The following ASPSCR1 variants were observed in gnomAD, a reference collection of about 807,000 sequenced individuals.
ASPSCR1 encodes ASPSCR1 tether for SLC2A4, UBX domain containing, also known as tether containing UBX domain for GLUT4.
ASPSCR1 carries 55 observed loss-of-function variants against 68.9 expected under a neutral mutation model. That is an observed-to-expected ratio of 0.80 (90% CI 0.64 to 1.00). The LOEUF is 1.00. ASPSCR1 is among the 50% of genes least tolerant of loss of function. The probability of loss-of-function intolerance (pLI) is 0.00; values close to 1 mark genes in which losing one functional copy is unlikely to be tolerated. For missense variants in ASPSCR1, 765 were observed against 762.2 expected (o/e 1.00, Z -0.04); for synonymous variants, 352 against 332.6 (o/e 1.06, Z -0.63).
At chr17:82,016,690 C>G in intron 13 of ASPSCR1, 110 bp from the exon 14 acceptor site, 1 of 1,452,528 alleles carries the variant, frequency 6.9e-7, no homozygotes, top group East Asian at 2.5e-5. Flanking sequence ...CTGGGACAGC[C>G]ACCTGCTGGC....
chr17:81,997,980 C>T (rs996398151), intron 7 of ASPSCR1, among the ~76,000 whole-genome samples: 1 of 151,992 alleles, frequency 6.6e-6, no homozygotes, highest in African/African-American at 2.4e-5. Flanking sequence ...GCGTGTGCCA[C>T]CACGCCCAGC....
rs1054065438 is a variant in ASPSCR1 at position 81,986,378 on chromosome 17, G to A, written c.374+771G>A. On this transcript the variant is annotated intron_variant, in intron 4 of 15. Coordinates refer to ENST00000306739, the MANE Select transcript of ASPSCR1 (RefSeq NM_024083.4). The surrounding 1 kb of genome is among the most constrained non-coding windows in gnomAD (Gnocchi z 5.2). ...GCCGTGGAGGCAGTTGCAGTGAGCC[G>A]AGATCGCACTGCTGCACTCCAGCCT... 8.5e-5 allele frequency among the ~76,000 whole-genome samples: 13 copies of A among 152,122 alleles called. No individual in the cohort carries two copies. Among genetic ancestry groups the A allele is most frequent in the Non-Finnish European group, 1.9e-4 (13 of 68,026 alleles).
At position 81,990,979 on chromosome 17, in the gene ASPSCR1, G is replaced by A. The variant is rs533352375; in HGVS notation, c.375-3842G>A. Among the ~76,000 whole-genome samples, 1 of 152,280 alleles carries A rather than the reference G, an allele frequency of 6.6e-6. No individual in the cohort carries two copies. The highest frequency in any genetic ancestry group is 2.4e-5 in the African/African-American group (1 of 41,556). ...CGTAAGGACCTAGTTGCCAAGTGGT[G>A]AAAGGCAGGGGTGTGGATGGACCAT... On this transcript the variant is annotated intron_variant, in intron 4 of 15. Coordinates refer to ENST00000306739, the MANE Select transcript of ASPSCR1 (RefSeq NM_024083.4). This position sits in a 1 kb window ranked among gnomAD's most constrained non-coding sequence, Gnocchi z 4.1.
At chr17:81,994,055 C>T (rs1203544004) in intron 4 of ASPSCR1, among the ~76,000 whole-genome samples, 3 of 152,240 alleles carry the variant, frequency 2.0e-5, no homozygotes, top group African/African-American at 4.8e-5. Flanking sequence ...GAGGCAAGCC[C>T]GCCTCATGCA....
intron 12 of ASPSCR1, 87 bp from the exon 13 acceptor site, chr17:82,016,389 G>A (rs1183895996): frequency 1.6e-6 from 2 of 1,240,416 alleles, no homozygotes; most frequent in Non-Finnish European, 2.2e-6. Context: ...GGTGGAGCTG[G>A]GGCCTGGCCC....
At chr17:81,991,820 G>A (rs540671274) in intron 4 of ASPSCR1, among the ~76,000 whole-genome samples, 13 of 152,350 alleles carry the variant, frequency 8.5e-5, no homozygotes, top group African/African-American at 2.4e-4. Context: ...CTGGGCTCTC[G>A]TCAGCACCTG....
In ASPSCR1 at chr17:81,996,309, G is replaced by C. The variant is rs1014084813; in HGVS notation, c.507-111G>C. On this transcript the variant is annotated intron_variant, in intron 6 of 15. Coordinates refer to ENST00000306739, the MANE Select transcript of ASPSCR1 (RefSeq NM_024083.4). ...CGCATGGGGCAGGAGAGGGTGAACC[G>C]GGGGCGGGAGAGGGTGAGCCGGGGG... The C allele has an allele frequency of 6.8e-6, 10 of 1,468,664 alleles. No homozygotes were observed. The Admixed American group carries it at 1.0e-4, about 15-fold the overall frequency. The allele number at this position is 1,468,664 out of a possible 1,614,324, so 91.0% of individuals were successfully genotyped here.
chr17:81,979,697 A>G (rs965228973), intron 2 of ASPSCR1, among the ~76,000 whole-genome samples: 1 of 152,130 alleles, frequency 6.6e-6, no homozygotes, highest in Admixed American at 6.5e-5. Context: ...TGTAGGTTTT[A>G]TTGCATTGAG....
At chr17:82,000,203 C>T (rs564462199) in intron 7 of ASPSCR1, among the ~76,000 whole-genome samples, 1 of 152,372 alleles carries the variant, frequency 6.6e-6, no homozygotes, top group African/African-American at 2.4e-5. Flanking sequence ...GGGCCTCAGC[C>T]CCTTCCCTCC....
intron 5 of ASPSCR1, chr17:81,995,305 A>C (rs1016408980): frequency 1.6e-4 from 37 of 229,708 alleles, no homozygotes; most frequent in Middle Eastern, 1.4e-3. Context: ...ACTGGCCCGG[A>C]GGGGCCCTGG....
At chr17:82,003,316 T>C (rs981900406) in intron 7 of ASPSCR1, among the ~76,000 whole-genome samples, 2 of 152,112 alleles carry the variant, frequency 1.3e-5, no homozygotes, top group African/African-American at 4.8e-5. Flanking sequence ...GGCGTGATGG[T>C]GTGTGCCTGT....
chr17:82,010,087 G>GTTTTTTTT, intron 9 of ASPSCR1: 1 of 265,926 alleles, frequency 3.8e-6, no homozygotes, highest in Non-Finnish European at 7.4e-6. Flanking sequence ...AATTTTTGTT[G>GTTTTTTTT]TTTTTTTTTT....
At chr17:81,985,322 C>T (rs1054324642) in intron 3 of ASPSCR1, among the ~76,000 whole-genome samples, 185 bp from the exon 4 acceptor site, 4 of 152,164 alleles carry the variant, frequency 2.6e-5, no homozygotes, top group South Asian at 2.1e-4. Context: ...GCAGCCCTGC[C>T]GGGGAGCCTC....
At chr17:82,008,995 C>T in intron 7 of ASPSCR1, 42 bp from the exon 8 acceptor site, 7 of 1,460,894 alleles carry the variant, frequency 4.8e-6, no homozygotes, top group Non-Finnish European at 5.4e-6. Flanking sequence ...GCGGAGGGCC[C>T]AGCCCGTGAC....
intron 7 of ASPSCR1, chr17:82,008,315 T>A (rs1567986260): frequency 6.6e-6 from 1 of 152,092 alleles, no homozygotes; most frequent in Non-Finnish European, 1.5e-5. Flanking sequence ...GAGTGTGAGG[T>A]AGGAGTGGGA....
chr17:82,000,783 G>A (rs1047994750), intron 7 of ASPSCR1, among the ~76,000 whole-genome samples: 1 of 152,202 alleles, frequency 6.6e-6, no homozygotes, highest in Non-Finnish European at 1.5e-5. Flanking sequence ...GATCAGAACC[G>A]GGCGCTGGGA....
intron 9 of ASPSCR1, chr17:82,010,004 G>C (rs769288388): frequency 1.3e-5 from 4 of 312,588 alleles, no homozygotes; most frequent in South Asian, 8.7e-5. Context: ...CCGCCTCCCG[G>C]GTTCAAGTGG....
In ASPSCR1 at chr17:82,014,693, G is replaced by A. The variant is rs1273908554; in HGVS notation, c.1354-1783G>A. 2.0e-5 allele frequency: 5 copies of A among 253,252 alleles called. No homozygotes were observed. In the Admixed American group the frequency reaches 2.5e-4, roughly 13 times the overall value. The allele number at this position is 253,252 out of a possible 1,614,324, so 15.7% of individuals were successfully genotyped here. A position where few individuals can be genotyped will look rare whatever the true frequency, so the allele number is the denominator to read the frequency against. On this transcript the variant is annotated intron_variant, in intron 12 of 15. Coordinates refer to ENST00000306739, the MANE Select transcript of ASPSCR1 (RefSeq NM_024083.4). Reference sequence around the variant, plus strand: ...GGTGGTGCTGTTCTCGTTGGAGGGGGCGGCCAGGCGCTGGGCCACGTGTGC... The same window carrying A: ...GGTGGTGCTGTTCTCGTTGGAGGGGACGGCCAGGCGCTGGGCCACGTGTGC...
Position 82,010,874 on chromosome 17 carries a change from C to T in ASPSCR1, c.1237+6C>T, listed in dbSNP as rs776493319. On this transcript the variant is annotated splice_donor_region_variant and intron_variant, in intron 10 of 15. Transcript: ENST00000306739. ...CTTCCGCCCCAGCGAGACAGGTGGG[C>T]AGCGCTGTGGGGTGTCCGGGGATGG... The T allele has an allele frequency of 3.1e-6, 5 of 1,611,624 alleles. No homozygotes were observed. The highest frequency in any genetic ancestry group is 2.2e-5 in the South Asian group (2 of 91,074).
Sources: gnomAD v4.1 joint callset for allele counts (sites outside exome capture counted in the v4.1 genomes callset) on GRCh38, gnomAD v4.1.1 for gene constraint, Gnocchi (gnomAD v3.1) non-coding constraint, MANE v1.5 for transcripts, NCBI Gene and HGNC (gene_info 2026-07-23, HGNC 2026-07-21) for gene names.